COL21A1: variants seen among roughly 807,000 people sequenced by gnomAD.
COL21A1 encodes the protein collagen type XXI alpha 1 chain.
Under a neutral mutation model 137.9 loss-of-function variants are expected in COL21A1, and 149 were observed. The ratio of observed to expected loss-of-function variants is 1.08; its 90% confidence interval spans 0.95 to 1.24. COL21A1 has a LOEUF of 1.24. Ranked by LOEUF, COL21A1 falls within the 50% of genes most tolerant of loss-of-function variation. COL21A1 has a pLI of 0.00. For synonymous variants in COL21A1, 456 were observed against 391.5 expected (o/e 1.16, Z -1.95); for missense variants, 1,167 against 1,158.4 (o/e 1.01, Z -0.11).
At chr6:56,341,773 G>A (rs1269078596) in intron 1 of COL21A1, among the ~76,000 whole-genome samples, 2 of 152,134 alleles carry the variant, frequency 1.3e-5, no homozygotes, top group African/African-American at 2.4e-5. Context: ...ACAAGTGGAC[G>A]ACTCTGGTGC....
intron 16 of COL21A1, among the ~76,000 whole-genome samples, chr6:56,106,911 T>A (rs1028501929): frequency 6.6e-6 from 1 of 151,882 alleles, no homozygotes. Flanking sequence ...CTCAGCCTCC[T>A]CAGTAGCTGG....
rs752484254 is a variant in COL21A1 at position 56,180,062 on chromosome 6, G to A, written c.156C>T (p.Asn52=). Residue 52 remains asparagine (N), a synonymous_variant, in exon 3 of 30, where the codon AAC becomes AAT. Transcript: ENST00000244728. ...CAAGCCACTTTTTCACTATTTCAAA[G>A]TTTTCTGGGCCAACACTATAAGAGC... is the stretch of plus-strand genomic sequence containing the variant. ...LDGSYSVGPE[N]FEIVKKWLVN... The A allele has an allele frequency of 3.7e-6, 6 of 1,613,788 alleles. No individual in the cohort carries two copies. In the South Asian group the frequency reaches 6.6e-5, roughly 18 times the overall value.
chr6:56,078,907 A>T (rs1289029928), intron 17 of COL21A1, among the ~76,000 whole-genome samples: 2 of 151,720 alleles, frequency 1.3e-5, no homozygotes, highest in African/African-American at 4.8e-5. Context: ...AATACCTTGA[A>T]GTAACAATAT....
rs547089287 is a variant in COL21A1, at chr6:56,366,756, C to T, written c.-39+27215G>A. ...TTTCTTCCAGATGAGTGTTTCCACA[C>T]TTCCACGAGTGGAAAACTGTTTCAC... On this transcript the variant is annotated intron_variant, in intron 1 of 28. Coordinates refer to the COL21A1 transcript ENST00000370819. Among the ~76,000 whole-genome samples the T allele has an allele frequency of 1.4e-4, 22 of 152,332 alleles. No individual in the cohort carries two copies. In the South Asian group the frequency reaches 3.9e-3, roughly 27 times the overall value.
intron 1 of COL21A1, among the ~76,000 whole-genome samples, chr6:56,343,185 C>A (rs2152345533): frequency 6.6e-6 from 1 of 152,128 alleles, no homozygotes. Flanking sequence ...TAGGGACCAC[C>A]CAGAGAGACA....
At chr6:56,375,394 G>A (rs182984757) in intron 1 of COL21A1, among the ~76,000 whole-genome samples, 19 of 152,156 alleles carry the variant, frequency 1.2e-4, no homozygotes, top group Non-Finnish European at 2.2e-4. Flanking sequence ...GTAGGCACCC[G>A]TGGAAGAAGG....
chr6:56,213,928 G>A (rs1229867368), intron 1 of COL21A1, among the ~76,000 whole-genome samples: 1 of 152,070 alleles, frequency 6.6e-6, no homozygotes, highest in Non-Finnish European at 1.5e-5. Flanking sequence ...TAGAACAATT[G>A]TGACTGGAGG....
intron 9 of COL21A1, among the ~76,000 whole-genome samples, chr6:56,160,505 T>C (rs1249656461): frequency 1.3e-5 from 2 of 152,018 alleles, no homozygotes; most frequent in African/African-American, 4.8e-5. Flanking sequence ...TGCTAGAAAA[T>C]TTAATATGGA....
At chr6:56,168,612 A>C (rs916671275) in intron 5 of COL21A1, among the ~76,000 whole-genome samples, 1 of 152,004 alleles carries the variant, frequency 6.6e-6, no homozygotes, top group African/African-American at 2.4e-5. Flanking sequence ...GCCTCATCTC[A>C]TTTATTTCAT....
intron 1 of COL21A1, chr6:56,276,709 G>A (rs983499405): frequency 7.0e-7 from 1 of 1,426,802 alleles, no homozygotes; most frequent in East Asian, 2.3e-5. Flanking sequence ...TGGCCTGGGT[G>A]ATTCACGGCT....
rs371980405 is a variant in COL21A1 at position 56,168,245 on chromosome 6, T to C, written c.1079A>G (p.Asp360Gly). 2 of 1,570,426 alleles carry C rather than the reference T, an allele frequency of 1.3e-6. No individual in the cohort carries two copies. The highest frequency in any genetic ancestry group is 1.7e-6 in the Non-Finnish European group (2 of 1,154,844). Reference sequence around the variant, plus strand: ...TTGGTCATCAATATACAAAGTCACATCTTGTTCTGTTACTAAGAGACGAAT... The same window carrying C: ...TTGGTCATCAATATACAAAGTCACACCTTGTTCTGTTACTAAGAGACGAAT... ...HQIRLLVTEQ[D>G]VTLYIDDQQI... Residue 360 changes from aspartate to glycine, a missense_variant, in exon 6 of 30, where the codon GAT becomes GGT. Asp to Gly is a moderately conservative substitution (Grantham distance 94, BLOSUM62 -1). Transcript: ENST00000244728.
chr6:56,276,438 A>G, intron 1 of COL21A1: 1 of 610,466 alleles, frequency 1.6e-6, no homozygotes. Flanking sequence ...TTTAAAGTCA[A>G]CAAAAGTCTT....
rs75305797 is a variant in COL21A1 at position 56,240,677 on chromosome 6, C to T, written c.-39+6710G>A. 3.6e-3 allele frequency among the ~76,000 whole-genome samples: 551 copies of T among 152,154 alleles called. 4 individuals are homozygous for T. Among genetic ancestry groups the T allele is most frequent in the African/African-American group, 0.013 (520 of 41,522 alleles). On this transcript the variant is annotated intron_variant, in intron 1 of 29. Coordinates refer to ENST00000244728, the MANE Select transcript of COL21A1 (RefSeq NM_030820.4). ...TTAACTAAGAAAAATATACAAATGG[C>T]AAAATGAAAGAGAACTTTGCAAGCA...
At chr6:56,347,758 T>C (rs568507747) in intron 1 of COL21A1, among the ~76,000 whole-genome samples, 1 of 152,220 alleles carries the variant, frequency 6.6e-6, no homozygotes, top group South Asian at 2.1e-4. Context: ...TTTCTGATGA[T>C]AAGACATTGT....
At chr6:56,147,557 T>G (rs1423501281) in intron 10 of COL21A1, among the ~76,000 whole-genome samples, 5 of 152,016 alleles carry the variant, frequency 3.3e-5, no homozygotes, top group African/African-American at 1.2e-4. Context: ...CAGGCCTACA[T>G]TCACATGCAC....
At chr6:56,095,863 T>C (rs897559114) in intron 17 of COL21A1, among the ~76,000 whole-genome samples, 2 of 152,180 alleles carry the variant, frequency 1.3e-5, no homozygotes, top group African/African-American at 4.8e-5. Context: ...TTTGTTTCTT[T>C]TGAGACAGAG....
chr6:56,070,451 T>C (rs1367280990), intron 21 of COL21A1, among the ~76,000 whole-genome samples: 2 of 151,578 alleles, frequency 1.3e-5, no homozygotes, highest in Non-Finnish European at 3.0e-5. Context: ...TTTTCAGCTG[T>C]TTAAGGGAAA....
intron 1 of COL21A1, among the ~76,000 whole-genome samples, chr6:56,325,284 T>TAA (rs1274676009): frequency 7.1e-5 from 2 of 28,146 alleles, no homozygotes; most frequent in African/African-American, 1.3e-4. Context: ...TTATATAATA[T>TAA]TATATTACAT....
intron 1 of COL21A1, among the ~76,000 whole-genome samples, chr6:56,246,470 CT>C (rs5876498): frequency 0.84 from 126,980 of 150,284 alleles, 53,718 homozygotes; most frequent in Admixed American, 0.91. Flanking sequence ...CCCCAGTATG[CT>C]TTTTTTTTTT....
Sources: allele counts gnomAD v4.1 joint callset (sites outside exome capture counted in the v4.1 genomes callset), GRCh38; gene constraint gnomAD v4.1.1; transcripts MANE v1.5; gene names NCBI Gene and HGNC (gene_info 2026-07-23, HGNC 2026-07-21).